Variants in PLXNA2 observed in about 807,000 individuals in gnomAD.
PLXNA2 encodes the protein plexin A2, also known as plexin-A2.
A neutral mutation model predicts 193.5 loss-of-function variants in PLXNA2; 91 were observed. The observed-to-expected ratio is 0.47, with a 90% CI of 0.40 to 0.56. The LOEUF is 0.56. PLXNA2 is among the 20% of genes least tolerant of loss of function. PLXNA2 has a pLI of 0.00. For synonymous variants in PLXNA2, 997 were observed against 1,027.3 expected (o/e 0.97, Z 0.56); for missense variants, 1,995 against 2,503.2 (o/e 0.80, Z 4.33).
chr1:208,037,982 G>C (rs1664727310), intron 26 of PLXNA2, among the ~76,000 whole-genome samples: 1 of 152,238 alleles, frequency 6.6e-6, no homozygotes, highest in Non-Finnish European at 1.5e-5. Flanking sequence ...GGCTGTGTTA[G>C]TAAGATGCTA....
intron 13 of PLXNA2, 147 bp from the exon 14 acceptor site, chr1:208,054,685 G>A (rs910762735): frequency 3.7e-5 from 24 of 652,642 alleles, no homozygotes; most frequent in Admixed American, 1.1e-4. Context: ...CTTGCTGTGT[G>A]ACCTTGGGTA....
chr1:208,154,917 A>C (rs1668890518), intron 3 of PLXNA2, among the ~76,000 whole-genome samples: 1 of 152,246 alleles, frequency 6.6e-6, no homozygotes, highest in African/African-American at 2.4e-5. Flanking sequence ...GCATTTGGGA[A>C]ACTGGAAAGG....
intron 13 of PLXNA2, 109 bp downstream of exon 13, chr1:208,060,577 A>G: frequency 8.8e-7 from 1 of 1,135,252 alleles, no homozygotes; most frequent in Non-Finnish European, 1.2e-6. Flanking sequence ...ATGGGAGGAG[A>G]ATGTAATGGG....
chr1:208,118,684 G>A (rs1409231447), intron 4 of PLXNA2, among the ~76,000 whole-genome samples: 3 of 151,994 alleles, frequency 2.0e-5, no homozygotes, highest in Non-Finnish European at 2.9e-5. Context: ...CAATGTCATC[G>A]AGCTTCTGGG....
rs1304005436 is a variant in PLXNA2 at position 208,027,100 on chromosome 1, G to A, written c.*143C>T. 4.1e-6 allele frequency: 3 copies of A among 732,446 alleles called. No homozygotes were observed. The highest frequency in any genetic ancestry group is 6.8e-6 in the Non-Finnish European group (3 of 441,252). 45.4% of individuals were successfully genotyped at this position (732,446 alleles called of 1,614,324 possible). On this transcript the variant is annotated 3_prime_UTR_variant, in exon 32 of 32. Transcript: ENST00000367033. ...ACGAAACTTGGCTGGCGTAGGGAGA[G>A]GAGTCCTCCCCTCTCCCCAGGATGG...
chr1:208,038,372 T>C lies in PLXNA2; in HGVS notation c.4763A>G (p.Gln1588Arg). The change falls in exon 26 of 32, where the codon CAG becomes CGG. Residue 1588 changes from glutamine to arginine, a missense_variant and splice_region_variant. By Grantham distance (43) the Gln-to-Arg change is conservative. This residue lies in a region of PLXNA2 where 1,291 missense variants were observed against 1,673.6 expected (regional missense o/e 0.77). Transcript: ENST00000367033. The surrounding 1 kb of genome is among the most constrained non-coding windows in gnomAD (Gnocchi z 4.1). Reference protein sequence around the residue: ...WKRLNTLMHYQVSDRSVVALV... With the variant: ...WKRLNTLMHYRVSDRSVVALV... ...AGGGGAAAAGACACCCCCTCTCACC[T>C]GATAATGCATCAGTGTGTTGAGCCG... 1.9e-6 allele frequency: 3 copies of C among 1,602,420 alleles called. No homozygotes were observed. Among genetic ancestry groups the C allele is most frequent in the South Asian group, 2.2e-5 (2 of 90,868 alleles).
At chr1:208,095,208 A>G (rs1666841998) in intron 8 of PLXNA2, among the ~76,000 whole-genome samples, 2 of 152,138 alleles carry the variant, frequency 1.3e-5, no homozygotes, top group Non-Finnish European at 2.9e-5. Context: ...TCTAAACCAA[A>G]TGGTGTATGA....
intron 3 of PLXNA2, among the ~76,000 whole-genome samples, chr1:208,144,097 A>G (rs957934495): frequency 1.3e-5 from 2 of 151,886 alleles, no homozygotes; most frequent in African/African-American, 4.8e-5. Flanking sequence ...TCTCCCTTAC[A>G]CCCTTTGGAT....
rs1411929683 is a variant in PLXNA2, at chr1:208,084,452, G to T, written c.2226C>A (p.Asn742Lys). ...SGQRGYECVL[N>K]IQGAIHRVPA... is the part of the protein sequence containing the mutation. ...GGACCCGGTGGATGGCTCCTTGTAT[G>T]TTGAGGACACACTCATAGCCTCGCT... The change falls in exon 10 of 32, where the codon AAC becomes AAA. Residue 742 changes from asparagine to lysine, a missense_variant. Transcript: ENST00000367033. 7 of 1,614,154 alleles carry T rather than the reference G, an allele frequency of 4.3e-6. No homozygotes were observed. The highest frequency in any genetic ancestry group is 2.7e-5 in the African/African-American group (2 of 74,948).
intron 3 of PLXNA2, among the ~76,000 whole-genome samples, chr1:208,198,547 G>A (rs532184545): frequency 6.6e-6 from 1 of 152,200 alleles, no homozygotes; most frequent in Non-Finnish European, 1.5e-5. Context: ...GCCACCCCGC[G>A]CATTGTGACC....
chr1:208,235,186 C>T (rs1671814842), intron 1 of PLXNA2, among the ~76,000 whole-genome samples: 1 of 152,202 alleles, frequency 6.6e-6, no homozygotes, highest in African/African-American at 2.4e-5. Flanking sequence ...TGACCACAAG[C>T]CCTGAATGTG....
At chr1:208,137,344 C>T (rs1359637651) in intron 4 of PLXNA2, among the ~76,000 whole-genome samples, 1 of 152,236 alleles carries the variant, frequency 6.6e-6, no homozygotes, top group African/African-American at 2.4e-5. Flanking sequence ...TCCCTATACT[C>T]TTTTCCCATC....
intron 1 of PLXNA2, among the ~76,000 whole-genome samples, chr1:208,240,935 C>T (rs1289186125): frequency 4.6e-5 from 7 of 152,052 alleles, no homozygotes; most frequent in Admixed American, 3.3e-4. Flanking sequence ...TCCCCCACAC[C>T]AAACCCTATA....
chr1:208,233,378 A>G (rs758505578), intron 1 of PLXNA2, among the ~76,000 whole-genome samples: 4 of 152,176 alleles, frequency 2.6e-5, no homozygotes, highest in Non-Finnish European at 5.9e-5. Flanking sequence ...CTCTATGCAG[A>G]CAAATGTTGC....
chr1:208,045,942 G>T lies in PLXNA2; in HGVS notation c.3431C>A (p.Thr1144Asn), dbSNP rs1229972089. Residue 1144 changes from threonine to asparagine, a missense_variant, in exon 18 of 32, where the codon ACC (threonine) becomes AAC (asparagine). By Grantham distance (65) the Thr-to-Asn change is moderately conservative. Around this residue, in one of 3 missense-constraint regions of PLXNA2, gnomAD observed 1,291 missense variants for 1,673.6 expected, o/e 0.77. Transcript: ENST00000367033. The part of the protein sequence containing the change: ...DTKFIYYPNP[T>N]FELLSPTGVL... Reference sequence around the variant, plus strand: ...TCCAGTAGGGCTAAGCAGTTCAAAGGTCGGGTTGGGGTAGTAGATAAACTT... The same window carrying T: ...TCCAGTAGGGCTAAGCAGTTCAAAGTTCGGGTTGGGGTAGTAGATAAACTT... 2 of 1,614,132 alleles carry T rather than the reference G, an allele frequency of 1.2e-6. No individual in the cohort carries two copies. The highest frequency in any genetic ancestry group is 4.5e-5 in the East Asian group (2 of 44,900).
intron 3 of PLXNA2, among the ~76,000 whole-genome samples, chr1:208,176,370 G>A (rs1320910303): frequency 3.9e-5 from 6 of 152,194 alleles, no homozygotes. Flanking sequence ...AGAGCAAGGA[G>A]CCATGGCCAA....
rs540427374 is a variant in PLXNA2 at position 208,114,148 on chromosome 1, C to G, written c.1507-10901G>C. 3.9e-5 allele frequency among the ~76,000 whole-genome samples: 6 copies of G among 152,310 alleles called. No homozygotes were observed. In the South Asian group the frequency reaches 1.0e-3, roughly 26 times the overall value. ...AAATTAGCTCCCTCTGGCAAAGTCCCTGGCACTGCCTCCCAACAGAGCTCT... is the reference window on the plus strand; with the variant it reads ...AAATTAGCTCCCTCTGGCAAAGTCCGTGGCACTGCCTCCCAACAGAGCTCT... On this transcript the variant is annotated intron_variant, in intron 4 of 31. Transcript: ENST00000367033.
intron 1 of PLXNA2, among the ~76,000 whole-genome samples, chr1:208,218,815 G>A (rs1473858623): frequency 6.6e-6 from 1 of 152,216 alleles, no homozygotes; most frequent in Non-Finnish European, 1.5e-5. Flanking sequence ...CTGCTGCCAG[G>A]TAGCCAGGTC....
At chr1:208,040,809 T>C (rs565365095) in intron 22 of PLXNA2, among the ~76,000 whole-genome samples, 1 of 152,340 alleles carries the variant, frequency 6.6e-6, no homozygotes, top group African/African-American at 2.4e-5. Context: ...TGCTTAAGTG[T>C]TTTGCCAACA....
Sources: gnomAD v4.1 joint callset for allele counts (sites outside exome capture counted in the v4.1 genomes callset) on GRCh38, gnomAD v4.1.1 for gene constraint, gnomAD v4.1.1 regional missense constraint, Gnocchi (gnomAD v3.1) non-coding constraint, MANE v1.5 for transcripts, NCBI Gene and HGNC (gene_info 2026-07-23, HGNC 2026-07-21) for gene names.